The following ME2 variants were observed in gnomAD, a reference collection of about 807,000 sequenced individuals.
The protein encoded by ME2 is NAD-dependent malic enzyme, mitochondrial.
ME2 carries 60 observed loss-of-function variants against 73.7 expected under a neutral mutation model. That is an observed-to-expected ratio of 0.81 (90% CI 0.66 to 1.01). The LOEUF (loss-of-function observed/expected upper bound fraction) is 1.01. Among genes scored for constraint, ME2 ranks in the 50% least tolerant of loss-of-function variants. ME2 has a pLI of 0.00. For synonymous variants in ME2, 199 were observed against 236.9 expected, an observed-to-expected ratio of 0.84 and a Z score of 1.47; for missense variants, 594 against 705.5, an observed-to-expected ratio of 0.84 and a Z score of 1.79.
chr18:50,909,833 G>T (rs1357268264), intron 3 of ME2, among the ~76,000 whole-genome samples: 1 of 152,010 alleles, frequency 6.6e-6, no homozygotes, highest in Non-Finnish European at 1.5e-5. Flanking sequence ...AAGGATAATT[G>T]TTAGAGCAAG....
chr18:50,945,296 T>C lies in ME2; in HGVS notation c.1588-1721T>C, dbSNP rs966669470. ...CCACGCCTGACTAATTTTTGTATTT[T>C]TAGTAGAGACAGGGTTTCACCATGT... is the stretch of plus-strand genomic sequence containing the variant. On this transcript the variant is annotated intron_variant, in intron 15 of 15. Coordinates refer to ENST00000321341, the MANE Select transcript of ME2 (RefSeq NM_002396.5). 5 of 152,182 alleles carry C rather than the reference T, an allele frequency of 3.3e-5. No homozygotes were observed. In the East Asian group the frequency reaches 7.7e-4, roughly 23 times the overall value. The allele number at this position is 152,182 out of a possible 1,614,324, so 9.4% of individuals were successfully genotyped here.
chr18:50,946,748 G>A (rs1284910600), intron 15 of ME2, among the ~76,000 whole-genome samples: 1 of 152,184 alleles, frequency 6.6e-6, no homozygotes, highest in Non-Finnish European at 1.5e-5. Flanking sequence ...CACTCTTTCA[G>A]CAAGACTGGG....
chr18:50,928,515 G>A lies in ME2; in HGVS notation c.1314+2617G>A, dbSNP rs571155121. ...GGCCTCCCAAAGTGCTGGGATTACA[G>A]GCATGAGCCACTGCGCCCGGACTGT... On this transcript the variant is annotated intron_variant, in intron 12 of 15. Coordinates refer to ENST00000321341, the MANE Select transcript of ME2 (RefSeq NM_002396.5). 1.9e-4 allele frequency among the ~76,000 whole-genome samples: 29 copies of A among 152,206 alleles called. No individual in the cohort carries two copies. In the East Asian group the frequency reaches 5.0e-3, roughly 26 times the overall value.
intron 3 of ME2, among the ~76,000 whole-genome samples, chr18:50,910,450 A>G (rs888240266): frequency 6.6e-6 from 1 of 151,460 alleles, no homozygotes; most frequent in South Asian, 2.1e-4. Flanking sequence ...GAAAAAAAAA[A>G]AAAAAAAGAA....
intron 15 of ME2, among the ~76,000 whole-genome samples, chr18:50,944,340 T>C (rs1230476954): frequency 1.3e-5 from 2 of 152,146 alleles, no homozygotes; most frequent in Non-Finnish European, 2.9e-5. Context: ...TCTCTGCGTT[T>C]CCCCAGAGGC....
At chr18:50,895,487 A>G (rs749257142) in intron 1 of ME2, among the ~76,000 whole-genome samples, 9 of 152,152 alleles carry the variant, frequency 5.9e-5, no homozygotes, top group Admixed American at 2.6e-4. Flanking sequence ...TCACTTTGCT[A>G]TTTACTATGT....
At chr18:50,888,414 T>C (rs1284162840) in intron 1 of ME2, among the ~76,000 whole-genome samples, 1 of 148,824 alleles carries the variant, frequency 6.7e-6, no homozygotes, top group African/African-American at 2.5e-5. Context: ...TAGAAAGGAA[T>C]GGGAGGGAAT....
At chr18:50,882,846 GGCT>G (rs1183462341) in intron 1 of ME2, among the ~76,000 whole-genome samples, 1 of 152,104 alleles carries the variant, frequency 6.6e-6, no homozygotes, top group Non-Finnish European at 1.5e-5. Context: ...CTACTCAGTA[GGCT>G]GAGGCAGGAG....
rs189636029 is a variant in ME2, at chr18:50,907,499, T to C, written c.109-564T>C. ...CTTGCTCCAGCATTTTCATTGACATTGCTTTGATACGAAGAATTTAACCCA... is the reference window on the plus strand; with the variant it reads ...CTTGCTCCAGCATTTTCATTGACATCGCTTTGATACGAAGAATTTAACCCA... On this transcript the variant is annotated intron_variant, in intron 2 of 15. Transcript: ENST00000321341. Among the ~76,000 whole-genome samples, 4 of 152,358 alleles carry C rather than the reference T, an allele frequency of 2.6e-5. No homozygotes were observed. The East Asian group carries it at 7.7e-4, about 29-fold the overall frequency.
intron 14 of ME2, 153 bp downstream of exon 14, chr18:50,939,793 T>G (rs1452217305): frequency 3.5e-6 from 2 of 569,938 alleles, no homozygotes; most frequent in Non-Finnish European, 6.2e-6. Flanking sequence ...TATTTATGCA[T>G]AAAATTAATT....
intron 15 of ME2, chr18:50,942,873 C>G (rs1466690973): frequency 4.4e-6 from 1 of 229,480 alleles, no homozygotes; most frequent in Non-Finnish European, 8.3e-6. Flanking sequence ...GTAATTTTTT[C>G]TTTTTTTAAT....
At position 50,953,139 on chromosome 18, in the gene ME2, T is replaced by G. The variant is rs562409254; in HGVS notation, c.*5955T>G. On this transcript the variant is annotated 3_prime_UTR_variant, in exon 16 of 16. Transcript: ENST00000321341. ...TTCTTTGAGACAGCCTTGCTCTGTC[T>G]CCCAGGCTGGAGTGCAGTGGCGCAA... 1 of 149,514 alleles carries G rather than the reference T, an allele frequency of 6.7e-6. No homozygotes were observed. The highest frequency in any genetic ancestry group is 2.1e-4 in the South Asian group (1 of 4,660). The allele number at this position is 149,514 out of a possible 1,614,324, so 9.3% of individuals were successfully genotyped here. A position where few individuals can be genotyped will look rare whatever the true frequency, so the allele number is the denominator to read the frequency against.
At chr18:50,886,479 A>G (rs1916474355) in intron 1 of ME2, among the ~76,000 whole-genome samples, 1 of 151,926 alleles carries the variant, frequency 6.6e-6, no homozygotes, top group Non-Finnish European at 1.5e-5. Flanking sequence ...CCTGACCTCA[A>G]GTGATCCGCT....
chr18:50,888,658 G>A (rs141197593), intron 1 of ME2, among the ~76,000 whole-genome samples: 132 of 152,098 alleles, frequency 8.7e-4, no homozygotes, highest in Non-Finnish European at 1.5e-3. Flanking sequence ...ATCTAAGTGT[G>A]TACATCTAAT....
In ME2 at chr18:50,879,259, G is replaced by C. The variant is rs1916250413; in HGVS notation, c.-62G>C. The C allele has an allele frequency of 6.6e-6, 1 of 152,544 alleles. No homozygotes were observed. Among genetic ancestry groups the C allele is most frequent in the South Asian group, 2.1e-4 (1 of 4,840 alleles). 9.4% of individuals were successfully genotyped at this position (152,544 alleles called of 1,614,324 possible). A position where few individuals can be genotyped will look rare whatever the true frequency, so the allele number is the denominator to read the frequency against. ...TGAGCATCGCCAGGGCGGGCGGCAG[G>C]GCGCGGCCTCTCCGCCGGGTGTACC... is the stretch of plus-strand genomic sequence containing the variant. On this transcript the variant is annotated 5_prime_UTR_variant, in exon 1 of 16. Coordinates refer to ENST00000321341, the MANE Select transcript of ME2 (RefSeq NM_002396.5).
chr18:50,897,106 A>C (rs1225884388), intron 2 of ME2, among the ~76,000 whole-genome samples: 1 of 152,134 alleles, frequency 6.6e-6, no homozygotes, highest in Non-Finnish European at 1.5e-5. Flanking sequence ...GCAAGTAATC[A>C]ATAGGTGTTG....
At chr18:50,905,256 A>ATT (rs1196728604) in intron 2 of ME2, among the ~76,000 whole-genome samples, 1 of 152,126 alleles carries the variant, frequency 6.6e-6, no homozygotes, top group Non-Finnish European at 1.5e-5. Context: ...AAGTGCTGGG[A>ATT]TTAGAGGCGT....
intron 4 of ME2, among the ~76,000 whole-genome samples, chr18:50,913,638 C>G (rs751295574): frequency 1.3e-5 from 2 of 151,936 alleles, no homozygotes; most frequent in Non-Finnish European, 2.9e-5. Context: ...CTGGCCTGTT[C>G]TCCTTTTTTT....
intron 7 of ME2, among the ~76,000 whole-genome samples, chr18:50,920,025 G>T (rs537316738): frequency 6.6e-6 from 1 of 152,004 alleles, no homozygotes; most frequent in Non-Finnish European, 1.5e-5. Context: ...TCACCTAGAC[G>T]ATTAACATCT....
Sources: allele counts gnomAD v4.1 joint callset (sites outside exome capture counted in the v4.1 genomes callset), GRCh38; gene constraint gnomAD v4.1.1; transcripts MANE v1.5; gene names NCBI Gene and HGNC (gene_info 2026-07-23, HGNC 2026-07-21).